Variants in GPC6 observed in about 807,000 individuals in gnomAD.
GPC6 encodes glypican-6.
In GPC6, 14 loss-of-function variants were observed where a neutral mutation model predicts 55.2. That is an observed-to-expected ratio of 0.25 (90% CI 0.17 to 0.40). GPC6 has a LOEUF of 0.40. Among genes scored for constraint, GPC6 ranks in the 10% least tolerant of loss-of-function variants. The probability of loss-of-function intolerance (pLI) is 1.00; values close to 1 mark genes in which losing one functional copy is unlikely to be tolerated. For missense variants in GPC6, 641 were observed against 708.5 expected (o/e 0.90, Z 1.08); for synonymous variants, 278 against 259.6 (o/e 1.07, Z -0.68).
intron 3 of GPC6, among the ~76,000 whole-genome samples, chr13:93,980,123 C>T (rs1296379389): frequency 1.3e-5 from 2 of 152,086 alleles, no homozygotes; most frequent in African/African-American, 4.8e-5. Flanking sequence ...ATTACTACAA[C>T]ACTTCCATAA....
At chr13:93,246,277 T>C (rs1426438780) in intron 1 of GPC6, among the ~76,000 whole-genome samples, 1 of 152,192 alleles carries the variant, frequency 6.6e-6, no homozygotes, top group African/African-American at 2.4e-5. Context: ...TCTCTAGGCT[T>C]TACTAGTTGC....
intron 4 of GPC6, among the ~76,000 whole-genome samples, chr13:94,079,812 A>G: frequency 6.6e-6 from 1 of 152,192 alleles, no homozygotes; most frequent in East Asian, 1.9e-4. Flanking sequence ...TCAGACTTTT[A>G]AGCTACCTGG....
At chr13:94,039,273 A>C (rs1465276657) in intron 4 of GPC6, among the ~76,000 whole-genome samples, 1 of 151,926 alleles carries the variant, frequency 6.6e-6, no homozygotes, top group African/African-American at 2.4e-5. Flanking sequence ...TTTTTTATCC[A>C]GGGAATGTCA....
intron 1 of GPC6, among the ~76,000 whole-genome samples, chr13:93,254,301 G>A (rs1432256684): frequency 6.6e-6 from 1 of 152,182 alleles, no homozygotes; most frequent in African/African-American, 2.4e-5. Context: ...TCCAGCCTGG[G>A]TGACAGACTG....
rs148529056 is a variant in GPC6, at chr13:93,266,005, C to T, written c.160+38389C>T. Among the ~76,000 whole-genome samples the T allele has an allele frequency of 2.3e-3, 356 of 152,076 alleles. 1 individual carries two copies. The highest frequency in any genetic ancestry group is 7.9e-3 in the African/African-American group (329 of 41,488). The stretch of plus-strand genomic sequence containing the variant: ...AATTGGCAAATACTTAAAACCAGGG[C>T]GTTACTTCCTGGAAAGCTGATTGTT... On this transcript the variant is annotated intron_variant, in intron 1 of 8. Coordinates refer to ENST00000377047, the MANE Select transcript of GPC6 (RefSeq NM_005708.5).
intron 2 of GPC6, among the ~76,000 whole-genome samples, chr13:93,628,134 A>T (rs1465193447): frequency 6.6e-6 from 1 of 152,144 alleles, no homozygotes; most frequent in Non-Finnish European, 1.5e-5. Flanking sequence ...AAATCAAGGG[A>T]TTAAGTTAGT....
At chr13:93,542,415 T>C (rs9301895) in intron 1 of GPC6, among the ~76,000 whole-genome samples, 141,555 of 151,804 alleles carry the variant, frequency 0.93, 66,086 homozygotes, top group African/African-American at 0.98. Flanking sequence ...CATGCTGTTT[T>C]GGTTACTGTA....
chr13:93,383,467 T>C (rs1242147296), intron 1 of GPC6, among the ~76,000 whole-genome samples: 5 of 152,216 alleles, frequency 3.3e-5, no homozygotes, highest in Non-Finnish European at 1.5e-5. Context: ...TCCTCCGGCC[T>C]TGCCCTCCTA....
intron 2 of GPC6, among the ~76,000 whole-genome samples, chr13:93,687,773 C>G (rs184493336): frequency 7.7e-6 from 1 of 130,548 alleles, no homozygotes; most frequent in Non-Finnish European, 1.7e-5. Context: ...AAGGCTACTA[C>G]GTATCATGAG....
At chr13:94,094,370 G>A (rs769906922) in intron 4 of GPC6, among the ~76,000 whole-genome samples, 42 of 152,096 alleles carry the variant, frequency 2.8e-4, no homozygotes, top group Admixed American at 1.8e-3. Context: ...GTCTGTAATG[G>A]AAATTACTGG....
chr13:93,297,944 C>T (rs9524002), intron 1 of GPC6, among the ~76,000 whole-genome samples: 30,016 of 152,178 alleles, frequency 0.2, 3,170 homozygotes, highest in Non-Finnish European at 0.24. Context: ...TCTTACAATA[C>T]AGCTGTCACC....
chr13:93,677,259 T>G (rs2139637632), intron 2 of GPC6, among the ~76,000 whole-genome samples: 1 of 152,272 alleles, frequency 6.6e-6, no homozygotes, highest in South Asian at 2.1e-4. Flanking sequence ...TTTCTTACAT[T>G]TTTTGCTTCT....
At chr13:93,717,198 A>G (rs1212538996) in intron 2 of GPC6, among the ~76,000 whole-genome samples, 1 of 151,734 alleles carries the variant, frequency 6.6e-6, no homozygotes, top group African/African-American at 2.4e-5. Context: ...CCAGAAAAAA[A>G]AATCTACTTT....
chr13:93,736,972 G>T (rs1322680486), intron 2 of GPC6, among the ~76,000 whole-genome samples: 1 of 152,182 alleles, frequency 6.6e-6, no homozygotes. Context: ...AGAAAATAAA[G>T]ATAAAAGGCA....
intron 2 of GPC6, among the ~76,000 whole-genome samples, chr13:93,733,626 T>G (rs562832557): frequency 6.6e-6 from 1 of 151,714 alleles, no homozygotes. Context: ...CCTTGAAGAG[T>G]TGGCATGAAA....
chr13:93,659,720 A>G (rs548330829), intron 2 of GPC6, among the ~76,000 whole-genome samples: 147 of 152,132 alleles, frequency 9.7e-4, no homozygotes, highest in Admixed American at 2.2e-3. Flanking sequence ...TAATTGAGGC[A>G]CAGAGATATT....
chr13:94,266,329 T>C (rs1210502875), intron 4 of GPC6, among the ~76,000 whole-genome samples: 1 of 152,034 alleles, frequency 6.6e-6, no homozygotes, highest in Non-Finnish European at 1.5e-5. Flanking sequence ...CCACCACTTC[T>C]GGCTAATTTT....
At chr13:93,978,932 G>T (rs1233455536) in intron 3 of GPC6, among the ~76,000 whole-genome samples, 1 of 152,014 alleles carries the variant, frequency 6.6e-6, no homozygotes, top group Non-Finnish European at 1.5e-5. Flanking sequence ...ATGAATAATG[G>T]TGTTTAATAC....
chr13:93,633,527 T>C (rs1001172054), intron 2 of GPC6, among the ~76,000 whole-genome samples: 3 of 151,910 alleles, frequency 2.0e-5, no homozygotes, highest in Admixed American at 1.3e-4. Flanking sequence ...CTGGGACTAC[T>C]CTGGAGGCTG....
Sources: gnomAD v4.1 joint callset for allele counts (sites outside exome capture counted in the v4.1 genomes callset) on GRCh38, gnomAD v4.1.1 for gene constraint, MANE v1.5 for transcripts, NCBI Gene and HGNC (gene_info 2026-07-23, HGNC 2026-07-21) for gene names.